The following SNTG1 variants were observed in gnomAD, a reference collection of about 807,000 sequenced individuals.
SNTG1 encodes the protein syntrophin gamma 1.
In SNTG1, 39 loss-of-function variants were observed where a neutral mutation model predicts 74.7. The observed-to-expected ratio is 0.52, with a 90% CI of 0.40 to 0.68. The LOEUF (loss-of-function observed/expected upper bound fraction) is 0.68, where lower values mean the gene tolerates loss of function less well. Among genes scored for constraint, SNTG1 ranks in the 30% least tolerant of loss-of-function variants. SNTG1 has a pLI of 0.00. For missense variants in SNTG1, 685 were observed against 609.5 expected, an observed-to-expected ratio of 1.12 and a Z score of -1.30; for synonymous variants, 254 against 217.1, an observed-to-expected ratio of 1.17 and a Z score of -1.49.
At chr8:50,129,454 A>G (rs949668251) in intron 1 of SNTG1, among the ~76,000 whole-genome samples, 1 of 152,126 alleles carries the variant, frequency 6.6e-6, no homozygotes, top group Non-Finnish European at 1.5e-5. Flanking sequence ...ATAATTCATA[A>G]AAAACATCAG....
intron 13 of SNTG1, among the ~76,000 whole-genome samples, chr8:50,616,593 A>G (rs2094886806): frequency 6.6e-6 from 1 of 152,146 alleles, no homozygotes; most frequent in Admixed American, 6.5e-5. Flanking sequence ...GATGAGAACA[A>G]CCAAGTCCTT....
chr8:50,675,027 A>T (rs956447783), intron 15 of SNTG1, among the ~76,000 whole-genome samples: 2 of 152,068 alleles, frequency 1.3e-5, no homozygotes, highest in Non-Finnish European at 2.9e-5. Flanking sequence ...ATGGTCTAAG[A>T]GACTGTTTGT....
chr8:50,602,456 T>C (rs1262663044), intron 13 of SNTG1, among the ~76,000 whole-genome samples: 1 of 152,212 alleles, frequency 6.6e-6, no homozygotes, highest in African/African-American at 2.4e-5. Context: ...TGTCTTATAG[T>C]ACTGTTTGTC....
intron 2 of SNTG1, among the ~76,000 whole-genome samples, chr8:50,360,124 C>A (rs569664149): frequency 6.6e-6 from 1 of 151,992 alleles, no homozygotes; most frequent in East Asian, 1.9e-4. Context: ...CAGACCCACA[C>A]GAGATCAGAT....
intron 2 of SNTG1, among the ~76,000 whole-genome samples, chr8:50,275,065 G>A (rs2088016778): frequency 6.6e-6 from 1 of 152,014 alleles, no homozygotes; most frequent in South Asian, 2.1e-4. Context: ...TGGCATTACG[G>A]TAATGCTGGC....
chr8:50,754,457 T>C (rs964742520), intron 18 of SNTG1, among the ~76,000 whole-genome samples: 1 of 151,878 alleles, frequency 6.6e-6, no homozygotes, highest in Admixed American at 6.6e-5. Context: ...ATATGTATGT[T>C]ATATCCTCTT....
intron 18 of SNTG1, among the ~76,000 whole-genome samples, chr8:50,771,388 A>G (rs2095626788): frequency 6.6e-6 from 1 of 152,132 alleles, no homozygotes; most frequent in Non-Finnish European, 1.5e-5. Context: ...CAAACTTAAG[A>G]GTGATTAATA....
intron 18 of SNTG1, among the ~76,000 whole-genome samples, chr8:50,760,715 C>T (rs963808897): frequency 2.0e-5 from 3 of 151,926 alleles, no homozygotes; most frequent in African/African-American, 7.2e-5. Context: ...CACAGAAATA[C>T]AAGCTACCCT....
At chr8:50,219,886 A>G (rs2084975077) in intron 2 of SNTG1, among the ~76,000 whole-genome samples, 1 of 152,214 alleles carries the variant, frequency 6.6e-6, no homozygotes, top group Non-Finnish European at 1.5e-5. Context: ...GTGAACTTTT[A>G]TTAGTCTAAG....
chr8:50,624,478 G>A (rs959490945), intron 13 of SNTG1, among the ~76,000 whole-genome samples: 5 of 152,028 alleles, frequency 3.3e-5, no homozygotes, highest in African/African-American at 1.2e-4. Flanking sequence ...GTCATTTTAA[G>A]TCAGAAGAGG....
chr8:50,479,415 A>G (rs1182807339), intron 8 of SNTG1, among the ~76,000 whole-genome samples: 1 of 151,880 alleles, frequency 6.6e-6, no homozygotes, highest in East Asian at 1.9e-4. Flanking sequence ...TTAACAGAAA[A>G]ATGCTTTCTT....
intron 15 of SNTG1, among the ~76,000 whole-genome samples, chr8:50,674,235 G>C (rs1371495766): frequency 2.0e-5 from 3 of 152,078 alleles, no homozygotes; most frequent in African/African-American, 7.2e-5. Context: ...GTTTGGAATA[G>C]TTTCAGAAGG....
intron 11 of SNTG1, among the ~76,000 whole-genome samples, chr8:50,547,035 G>A (rs1382267549): frequency 6.6e-6 from 1 of 152,096 alleles, no homozygotes; most frequent in Non-Finnish European, 1.5e-5. Flanking sequence ...CACCTGCTTA[G>A]GTATCCCAAA....
At chr8:50,386,101 CACTCCA>C in intron 2 of SNTG1, among the ~76,000 whole-genome samples, 1 of 152,282 alleles carries the variant, frequency 6.6e-6, no homozygotes, top group African/African-American at 2.4e-5. Flanking sequence ...CAACAGCTCT[CACTCCA>C]CATGTCAGAA....
intron 12 of SNTG1, among the ~76,000 whole-genome samples, chr8:50,579,363 A>C (rs974913390): frequency 9.9e-5 from 15 of 152,200 alleles, no homozygotes; most frequent in Admixed American, 6.5e-5. Flanking sequence ...CCAGTCTGAC[A>C]ATGCAATGGA....
chr8:50,012,709 G>A (rs1201002465), intron 1 of SNTG1, among the ~76,000 whole-genome samples: 2 of 152,068 alleles, frequency 1.3e-5, no homozygotes, highest in African/African-American at 2.4e-5. Flanking sequence ...GGGTGAGTCT[G>A]GAGACAGAGA....
chr8:50,078,371 C>A (rs1242329426), intron 1 of SNTG1, among the ~76,000 whole-genome samples: 1 of 152,090 alleles, frequency 6.6e-6, no homozygotes, highest in Admixed American at 6.5e-5. Context: ...GAATTGCCTT[C>A]TTCCCGGCAT....
chr8:50,055,079 C>T (rs142703427), intron 1 of SNTG1, among the ~76,000 whole-genome samples: 52 of 152,094 alleles, frequency 3.4e-4, no homozygotes, highest in South Asian at 1.0e-3. Context: ...CTCATCATTC[C>T]GACTTGCCTG....
chr8:50,362,044 A>G (rs2091974213), intron 2 of SNTG1, among the ~76,000 whole-genome samples: 1 of 152,152 alleles, frequency 6.6e-6, no homozygotes, highest in South Asian at 2.1e-4. Flanking sequence ...TGTCTGTGAT[A>G]CTTTCTTGTT....
Sources: gnomAD v4.1 joint callset for allele counts (sites outside exome capture counted in the v4.1 genomes callset) on GRCh38, gnomAD v4.1.1 for gene constraint, MANE v1.5 for transcripts, NCBI Gene and HGNC (gene_info 2026-07-23, HGNC 2026-07-21) for gene names.